CCDC27: variants seen among roughly 807,000 people sequenced by gnomAD.
CCDC27 encodes the protein coiled-coil domain containing 27.
Under a neutral mutation model 80.3 loss-of-function variants are expected in CCDC27, and 80 were observed. The ratio of observed to expected loss-of-function variants is 1.00; its 90% CI spans 0.83 to 1.20. The LOEUF (loss-of-function observed/expected upper bound fraction) is 1.20. CCDC27 is among the 50% of genes most tolerant of loss of function. CCDC27 has a pLI of 0.00. For synonymous variants in CCDC27, 342 were observed against 334.3 expected (o/e 1.02, Z -0.25); for missense variants, 815 against 809.4 (o/e 1.01, Z -0.08).
In CCDC27 at chr1:3,771,627, C is replaced by A; in HGVS notation, c.*104C>A. 3 of 1,324,738 alleles carry A rather than the reference C, an allele frequency of 2.3e-6. No individual in the cohort carries two copies. Among genetic ancestry groups the A allele is most frequent in the Non-Finnish European group, 3.1e-6 (3 of 959,532 alleles). The allele number at this position is 1,324,738 out of a possible 1,614,324, so 82.1% of individuals were successfully genotyped here. On this transcript the variant is annotated 3_prime_UTR_variant, in exon 12 of 12. Transcript: ENST00000294600. ...TCCTGCTCTCAGACTCAGAATTAAA[C>A]CCCGGTGTTGGCACTGTCCCACCTT...
rs1180411469 is a variant in CCDC27, at chr1:3,766,456, GA to G, written c.1453-73del. ...ATTATTTTAGGGAGCTTTGGGGAAG[GA>G]AAAAAGTTAGATGCCGGAATTCAGT... On this transcript the variant is annotated intron_variant, in intron 8 of 11. Coordinates refer to ENST00000294600, the MANE Select transcript of CCDC27 (RefSeq NM_152492.3). The surrounding 1 kb of genome is among the most constrained non-coding windows in gnomAD (Gnocchi z 6.1). 4 of 999,160 alleles carry G rather than the reference GA, an allele frequency of 4.0e-6. No individual in the cohort carries two copies. Among genetic ancestry groups the G allele is most frequent in the East Asian group, 2.5e-5 (1 of 40,792 alleles). 61.9% of individuals were successfully genotyped at this position (999,160 alleles called of 1,614,324 possible).
intron 1 of CCDC27, among the ~76,000 whole-genome samples, chr1:3,753,745 C>G (rs1341718882): frequency 2.6e-5 from 4 of 152,252 alleles, no homozygotes; most frequent in Non-Finnish European, 5.9e-5. Flanking sequence ...CAGGCCCTTT[C>G]AACCCCAGTG....
At chr1:3,752,951 T>C in intron 1 of CCDC27, 152 bp downstream of exon 1, 1 of 909,518 alleles carries the variant, frequency 1.1e-6, no homozygotes, top group Non-Finnish European at 1.7e-6. Context: ...GGCAACGAAT[T>C]GAGCGCTAGG....
chr1:3,752,657 TG>T lies in CCDC27; in HGVS notation c.177del (p.Met59IlefsTer151). On this transcript the variant is annotated frameshift_variant, in exon 1 of 12. Transcript: ENST00000294600. LOFTEE classifies it high-confidence loss of function. ...AGCCCATCTCAGAGGCACAGTTCGA[TG>T]TCCAGCTCGATGGCCAGGGCCCTGG... ...EASPSQRHSSMSSSMARALVL... is the reference protein window; with the variant it reads ...EASPSQRHSSXSSSMARALVL... 6.2e-7 allele frequency: 1 copy of T among 1,614,102 alleles called. No individual in the cohort carries two copies. Among genetic ancestry groups the T allele is most frequent in the Admixed American group, 1.7e-5 (1 of 60,020 alleles).
Position 3,755,494 on chromosome 1 carries a change from C to A in CCDC27, c.480C>A (p.Asp160Glu). ...AGGCCGATTTGTCCGGAGAGATTGA[C>A]AACAGCTCGGAGACCTGGAGAGGCA... is the stretch of plus-strand genomic sequence containing the variant. ...PTEADLSGEIDNSSETWRGTQ... is the reference protein window; with the variant it reads ...PTEADLSGEIENSSETWRGTQ... Residue 160 changes from aspartate to glutamate, a missense_variant, in exon 3 of 12, where the codon GAC (aspartate) becomes GAA (glutamate). By Grantham distance (45) the Asp-to-Glu change is conservative. Transcript: ENST00000294600. 6.2e-7 allele frequency: 1 copy of A among 1,614,204 alleles called. No individual in the cohort carries two copies. Among genetic ancestry groups the A allele is most frequent in the Non-Finnish European group, 8.5e-7 (1 of 1,180,028 alleles).
rs1038138983 is a variant in CCDC27, at chr1:3,761,607, C to T, written c.861+177C>T. 3.3e-5 allele frequency among the ~76,000 whole-genome samples: 5 copies of T among 151,874 alleles called. No homozygotes were observed. The highest frequency in any genetic ancestry group is 3.2e-3 in the Middle Eastern group (1 of 316). On this transcript the variant is annotated intron_variant, in intron 5 of 11. Transcript: ENST00000294600. This position sits in a 1 kb window ranked among gnomAD's most constrained non-coding sequence, Gnocchi z 5.0. ...TTCTGATCAACAGGCAGGGGAGAGGCGAACAGAGGCACGAAATGACAAATG... is the reference window on the plus strand; with the variant it reads ...TTCTGATCAACAGGCAGGGGAGAGGTGAACAGAGGCACGAAATGACAAATG...
chr1:3,766,938 T>G lies in CCDC27; in HGVS notation c.1531-295T>G, dbSNP rs551264202. 1.2e-3 allele frequency among the ~76,000 whole-genome samples: 179 copies of G among 151,330 alleles called. 1 individual carries two copies. The highest frequency in any genetic ancestry group is 3.9e-3 in the African/African-American group (162 of 41,218). ...TCACTGCAACCTCCGCCTCCTGGGTTCAAGTGATTCTCCTGCCTCAGTCTC... is the reference window on the plus strand; with the variant it reads ...TCACTGCAACCTCCGCCTCCTGGGTGCAAGTGATTCTCCTGCCTCAGTCTC... On this transcript the variant is annotated intron_variant, in intron 9 of 11. Coordinates refer to ENST00000294600, the MANE Select transcript of CCDC27 (RefSeq NM_152492.3). The surrounding 1 kb of genome is among the most constrained non-coding windows in gnomAD (Gnocchi z 6.1).
At position 3,768,147 on chromosome 1, in the gene CCDC27, T is replaced by C. The variant is rs1341278765; in HGVS notation, c.1743+702T>C. 1.4e-5 allele frequency among the ~76,000 whole-genome samples: 2 copies of C among 145,258 alleles called. No individual in the cohort carries two copies. The highest frequency in any genetic ancestry group is 4.1e-4 in the East Asian group (2 of 4,880). ...TCTTTCTCTGTCATCCAGTCTGGAG[T>C]GCAGTGGGGTGATAACAGCTCACTG... On this transcript the variant is annotated intron_variant, in intron 10 of 11. Coordinates refer to ENST00000294600, the MANE Select transcript of CCDC27 (RefSeq NM_152492.3). This position sits in a 1 kb window ranked among gnomAD's most constrained non-coding sequence, Gnocchi z 5.6.
In CCDC27 at chr1:3,754,180, C is replaced by A; in HGVS notation, c.381C>A (p.Val127=). Residue 127 remains valine, a synonymous_variant, in exon 2 of 12, where the codon GTC becomes GTA. Coordinates refer to ENST00000294600, the MANE Select transcript of CCDC27 (RefSeq NM_152492.3). ...TGTCCAAAATGGAACTTCGAAGGGT[C>A]TTCCCCACGCATCCTGACTGCCCCC... ...GFMSKMELRR[V]FPTHPDCPQF... The A allele has an allele frequency of 6.2e-7, 1 of 1,613,810 alleles. No homozygotes were observed. The highest frequency in any genetic ancestry group is 8.5e-7 in the Non-Finnish European group (1 of 1,179,926).
Position 3,760,276 on chromosome 1 carries a change from T to C in CCDC27, c.712-1005T>C, listed in dbSNP as rs902501978. Among the ~76,000 whole-genome samples the C allele has an allele frequency of 1.3e-5, 2 of 152,210 alleles. No homozygotes were observed. The highest frequency in any genetic ancestry group is 6.5e-5 in the Admixed American group (1 of 15,284). On this transcript the variant is annotated intron_variant, in intron 4 of 11. Coordinates refer to ENST00000294600, the MANE Select transcript of CCDC27 (RefSeq NM_152492.3). This position sits in a 1 kb window ranked among gnomAD's most constrained non-coding sequence, Gnocchi z 4.3. ...TACTACAAAGATTCCCATGTACTTT[T>C]CCATTCCCCAAATGTTAAATGTGGC...
Position 3,763,731 on chromosome 1 carries a change from A to G in CCDC27, c.1347A>G (p.Gln449=). 5 of 1,614,096 alleles carry G rather than the reference A, an allele frequency of 3.1e-6. No individual in the cohort carries two copies. The highest frequency in any genetic ancestry group is 4.2e-6 in the Non-Finnish European group (5 of 1,179,966). Residue 449 remains glutamine (Q), a synonymous_variant, in exon 8 of 12, where the codon CAA becomes CAG. Transcript: ENST00000294600. This position sits in a 1 kb window ranked among gnomAD's most constrained non-coding sequence, Gnocchi z 7.5. ...GAGTGATTGCGTCTTTACAACAACA[A>G]GTGGATTTCCAAGAAACCCAGCTGC... is the stretch of plus-strand genomic sequence containing the variant. ...ATGVIASLQQ[Q]VDFQETQLRK...
intron 1 of CCDC27, 33 bp downstream of exon 1, chr1:3,752,832 C>G (rs1021304300): frequency 3.8e-6 from 6 of 1,590,108 alleles, no homozygotes; most frequent in Non-Finnish European, 5.1e-6. Context: ...CTGCCACGAG[C>G]CTTGAGGTGA....
intron 8 of CCDC27, among the ~76,000 whole-genome samples, chr1:3,764,116 G>A (rs1480991480): frequency 6.6e-6 from 1 of 152,154 alleles, no homozygotes; most frequent in South Asian, 2.1e-4. Context: ...TGTGCTCTTG[G>A]CCACTCCTCA....
Position 3,768,245 on chromosome 1 carries a change from G to A in CCDC27, c.1743+800G>A, listed in dbSNP as rs1419003469. 1.3e-5 allele frequency among the ~76,000 whole-genome samples: 2 copies of A among 152,034 alleles called. No homozygotes were observed. The highest frequency in any genetic ancestry group is 6.6e-5 in the Admixed American group (1 of 15,262). Reference sequence around the variant, plus strand: ...CCTGAGTAGCTGGGACCACAGGCATGTGCCACCATACCTGGCCAATTTTAA... The same window carrying A: ...CCTGAGTAGCTGGGACCACAGGCATATGCCACCATACCTGGCCAATTTTAA... On this transcript the variant is annotated intron_variant, in intron 10 of 11. Coordinates refer to ENST00000294600, the MANE Select transcript of CCDC27 (RefSeq NM_152492.3). This position sits in a 1 kb window ranked among gnomAD's most constrained non-coding sequence, Gnocchi z 5.6.
In CCDC27 at chr1:3,754,597, T is replaced by C. The variant is rs993747523; in HGVS notation, c.442+356T>C. Among the ~76,000 whole-genome samples the C allele has an allele frequency of 5.3e-5, 8 of 152,116 alleles. No homozygotes were observed. In the East Asian group the frequency reaches 1.5e-3, roughly 29 times the overall value. ...GAACCCCATAAAGCCAGATAGCTCA[T>C]TAGGGACAGTGCCCCTGGGGAGCCC... On this transcript the variant is annotated intron_variant, in intron 2 of 11. Coordinates refer to ENST00000294600, the MANE Select transcript of CCDC27 (RefSeq NM_152492.3).
Position 3,765,613 on chromosome 1 carries a change from G to A in CCDC27, c.1453-922G>A, listed in dbSNP as rs150811683. Among the ~76,000 whole-genome samples, 640 of 151,904 alleles carry A rather than the reference G, an allele frequency of 4.2e-3. 5 individuals are homozygous for A. Among genetic ancestry groups the A allele is most frequent in the African/African-American group, 0.014 (597 of 41,436 alleles). ...TGTTCCATTTTTCTTTTTTTGAAGCGCACTCTTGTTTGGCTTCACAATTGC... is the reference window on the plus strand; with the variant it reads ...TGTTCCATTTTTCTTTTTTTGAAGCACACTCTTGTTTGGCTTCACAATTGC... On this transcript the variant is annotated intron_variant, in intron 8 of 11. Transcript: ENST00000294600.
rs918034133 is a variant in CCDC27 at position 3,766,735 on chromosome 1, C to T, written c.1530+123C>T. The T allele has an allele frequency of 7.1e-6, 5 of 705,676 alleles. No individual in the cohort carries two copies. Among genetic ancestry groups the T allele is most frequent in the East Asian group, 5.4e-5 (2 of 37,028 alleles). 43.7% of individuals were successfully genotyped at this position (705,676 alleles called of 1,614,324 possible). On this transcript the variant is annotated intron_variant, in intron 9 of 11. Transcript: ENST00000294600. The surrounding 1 kb of genome is among the most constrained non-coding windows in gnomAD (Gnocchi z 6.1). ...AGCTGAGCCAGGACCCCTTCGGTAG[C>T]ATGCCACTCGACAGATCTCTGCACC...
intron 11 of CCDC27, among the ~76,000 whole-genome samples, chr1:3,770,736 C>A (rs1307968141): frequency 1.3e-5 from 2 of 152,156 alleles, no homozygotes; most frequent in East Asian, 3.9e-4. Context: ...CTGGACAGTG[C>A]CTCTCCTGCA....
In CCDC27 at chr1:3,762,646, G is replaced by A. The variant is rs1460585877; in HGVS notation, c.888G>A (p.Lys296=). 3 of 1,550,330 alleles carry A rather than the reference G, an allele frequency of 1.9e-6. No homozygotes were observed. The highest frequency in any genetic ancestry group is 2.6e-6 in the Non-Finnish European group (3 of 1,146,818). ...AGCAGCTCTCAGACGCTTCGCTGAA[G>A]CTGGGCAGGCTGAGCCTCCTGAAGG... is the stretch of plus-strand genomic sequence containing the variant. ...RREQLSDASL[K]LGRLSLLKAF... The change falls in exon 6 of 12, where the codon AAG becomes AAA. Residue 296 remains lysine, a synonymous_variant. Coordinates refer to ENST00000294600, the MANE Select transcript of CCDC27 (RefSeq NM_152492.3).
Sources: gnomAD v4.1 joint callset for allele counts (sites outside exome capture counted in the v4.1 genomes callset) on GRCh38, gnomAD v4.1.1 for gene constraint, Gnocchi (gnomAD v3.1) non-coding constraint, MANE v1.5 for transcripts, NCBI Gene and HGNC (gene_info 2026-07-23, HGNC 2026-07-21) for gene names.